TAFA5: variants seen among roughly 807,000 people sequenced by gnomAD.
TAFA5 encodes the protein chemokine-like protein TAFA-5.
Under a neutral mutation model 15.3 loss-of-function variants are expected in TAFA5, and 6 were observed. That is an observed-to-expected ratio of 0.39 (90% confidence interval 0.21 to 0.77). The LOEUF (loss-of-function observed/expected upper bound fraction) is 0.77. Ranked by LOEUF, TAFA5 falls within the 30% of genes least tolerant of loss-of-function variation. The pLI is 0.41. For synonymous variants in TAFA5, 103 were observed against 80.7 expected (o/e 1.28, Z -1.48); for missense variants, 161 against 193.1 (o/e 0.83, Z 0.98).
intron 1 of TAFA5, among the ~76,000 whole-genome samples, chr22:48,596,404 C>T (rs1212175371): frequency 1.3e-5 from 2 of 152,208 alleles, no homozygotes; most frequent in African/African-American, 2.4e-5. Flanking sequence ...GATTAACGCT[C>T]CTCAGCGCAG....
chr22:48,694,651 G>A (rs1928645844), intron 2 of TAFA5, among the ~76,000 whole-genome samples: 1 of 152,060 alleles, frequency 6.6e-6, no homozygotes, highest in Non-Finnish European at 1.5e-5. Flanking sequence ...CTGCTCCCGG[G>A]CAGTGCCTCA....
intron 1 of TAFA5, among the ~76,000 whole-genome samples, chr22:48,573,730 C>T (rs1326906047): frequency 6.6e-6 from 1 of 152,102 alleles, no homozygotes; most frequent in East Asian, 1.9e-4. Context: ...TATGAACTTT[C>T]TTTTTTTTCT....
At chr22:48,716,560 C>T (rs1929407235) in intron 3 of TAFA5, among the ~76,000 whole-genome samples, 2 of 152,106 alleles carry the variant, frequency 1.3e-5, no homozygotes, top group South Asian at 4.2e-4. Context: ...GGACAAATAC[C>T]TAATGCATGT....
intron 3 of TAFA5, among the ~76,000 whole-genome samples, chr22:48,724,056 G>A (rs1428586674): frequency 6.6e-6 from 1 of 152,212 alleles, no homozygotes; most frequent in Non-Finnish European, 1.5e-5. Context: ...CATTGCTGCA[G>A]CAGGAGAGAC....
chr22:48,701,777 CCGGCT>C (rs1482451729), intron 2 of TAFA5, among the ~76,000 whole-genome samples: 1 of 152,218 alleles, frequency 6.6e-6, no homozygotes, highest in Non-Finnish European at 1.5e-5. Context: ...CAAGGAGAGC[CCGGCT>C]CCTGCCCTCC....
At chr22:48,723,679 C>G (rs552069152) in intron 3 of TAFA5, among the ~76,000 whole-genome samples, 1 of 152,200 alleles carries the variant, frequency 6.6e-6, no homozygotes, top group Non-Finnish European at 1.5e-5. Flanking sequence ...TTGTGGAAGT[C>G]AGTTTATCTT....
intron 3 of TAFA5, among the ~76,000 whole-genome samples, chr22:48,732,963 G>A (rs969345339): frequency 6.6e-6 from 1 of 152,138 alleles, no homozygotes; most frequent in Non-Finnish European, 1.5e-5. Context: ...TTTAAGGTAT[G>A]TACTTTTTTT....
At chr22:48,535,576 A>G (rs1334067640) in intron 1 of TAFA5, among the ~76,000 whole-genome samples, 15 of 152,182 alleles carry the variant, frequency 9.9e-5, no homozygotes, top group Admixed American at 9.8e-4. Flanking sequence ...GGGTATATGC[A>G]TATGTGTAGA....
chr22:48,684,682 G>A (rs903140003), intron 2 of TAFA5, among the ~76,000 whole-genome samples: 2 of 152,188 alleles, frequency 1.3e-5, no homozygotes, highest in Non-Finnish European at 2.9e-5. Flanking sequence ...GCTGGGACAG[G>A]CAAGTGCCCA....
chr22:48,681,653 A>G (rs1928192232), intron 2 of TAFA5, among the ~76,000 whole-genome samples: 1 of 20,406 alleles, frequency 4.9e-5, no homozygotes, highest in African/African-American at 4.0e-4. Context: ...TCCATCTCCA[A>G]AAAAAAAAAA....
chr22:48,609,826 G>A (rs77247192), intron 1 of TAFA5, among the ~76,000 whole-genome samples: 13,179 of 152,210 alleles, frequency 0.087, 731 homozygotes, highest in Admixed American at 0.12. Flanking sequence ...CTGGCTGCCC[G>A]TGGCTCAGGC....
chr22:48,624,591 G>A (rs1368996380), intron 1 of TAFA5, among the ~76,000 whole-genome samples: 1 of 152,122 alleles, frequency 6.6e-6, no homozygotes, highest in African/African-American at 2.4e-5. Flanking sequence ...TATTTACCGG[G>A]TTGCCAGGTA....
intron 1 of TAFA5, among the ~76,000 whole-genome samples, chr22:48,636,489 C>T (rs746247408): frequency 3.4e-5 from 4 of 117,824 alleles, no homozygotes; most frequent in Non-Finnish European, 5.3e-5. Flanking sequence ...GTACAATCAG[C>T]GATAAGACTA....
chr22:48,612,922 C>T (rs73889176), intron 1 of TAFA5, among the ~76,000 whole-genome samples: 10,514 of 152,054 alleles, frequency 0.069, 1,228 homozygotes, highest in African/African-American at 0.24. Flanking sequence ...CACAGTGAGC[C>T]GGTGGCCTGG....
intron 1 of TAFA5, among the ~76,000 whole-genome samples, chr22:48,641,948 C>A (rs1926695382): frequency 6.6e-6 from 1 of 152,230 alleles, no homozygotes. Context: ...GACAGAAACA[C>A]CATCCCCTAT....
At chr22:48,693,691 C>T (rs1169026334) in intron 2 of TAFA5, among the ~76,000 whole-genome samples, 1 of 152,122 alleles carries the variant, frequency 6.6e-6, no homozygotes, top group African/African-American at 2.4e-5. Context: ...TGGTCCTGCT[C>T]CAGGCCTCAT....
chr22:48,698,539 A>T (rs908409399), intron 2 of TAFA5, among the ~76,000 whole-genome samples: 1 of 151,154 alleles, frequency 6.6e-6, no homozygotes, highest in East Asian at 2.0e-4. Context: ...ACAGGGTTCT[A>T]CCCATGATGG....
chr22:48,674,629 C>T (rs1927910204), intron 2 of TAFA5, among the ~76,000 whole-genome samples: 1 of 152,186 alleles, frequency 6.6e-6, no homozygotes, highest in African/African-American at 2.4e-5. Flanking sequence ...TAGTGACTGC[C>T]TGTCCCGGAA....
chr22:48,585,332 CA>C (rs1238464297), intron 1 of TAFA5, among the ~76,000 whole-genome samples: 1 of 150,694 alleles, frequency 6.6e-6, no homozygotes, highest in East Asian at 2.0e-4. Context: ...TATTCACACA[CA>C]CACACATAAA....
Sources: gnomAD v4.1 joint callset for allele counts (sites outside exome capture counted in the v4.1 genomes callset) on GRCh38, gnomAD v4.1.1 for gene constraint, MANE v1.5 for transcripts, NCBI Gene and HGNC (gene_info 2026-07-23, HGNC 2026-07-21) for gene names.